Variants in ZNF423 observed in about 807,000 individuals in gnomAD.
ZNF423 encodes the protein zinc finger protein 423.
ZNF423 carries 12 observed loss-of-function variants against 95.8 expected under a neutral mutation model. The ratio of observed to expected loss-of-function variants is 0.13; its 90% CI spans 0.08 to 0.20. The LOEUF is 0.20. ZNF423 is among the 10% of genes least tolerant of loss of function. The probability of loss-of-function intolerance (pLI) is 1.00; values close to 1 mark genes in which losing one functional copy is unlikely to be tolerated. For missense variants in ZNF423, 1,316 were observed against 1,737.1 expected (o/e 0.76, Z 4.31); for synonymous variants, 749 against 711.9 (o/e 1.05, Z -0.83).
intron 5 of ZNF423, among the ~76,000 whole-genome samples, chr16:49,532,734 C>G (rs571138569): frequency 6.6e-6 from 1 of 152,322 alleles, no homozygotes; most frequent in African/African-American, 2.4e-5. Flanking sequence ...GTAACTGACC[C>G]TTATCTTTTT....
intron 5 of ZNF423, among the ~76,000 whole-genome samples, chr16:49,533,924 G>A (rs182484151): frequency 6.6e-5 from 10 of 152,272 alleles, no homozygotes; most frequent in Non-Finnish European, 8.8e-5. Context: ...TTGGGAGGCC[G>A]AAGCAGGAAG....
intron 5 of ZNF423, among the ~76,000 whole-genome samples, chr16:49,617,985 A>G (rs1315329256): frequency 1.3e-5 from 2 of 152,172 alleles, no homozygotes; most frequent in Non-Finnish European, 2.9e-5. Context: ...TGTTCTCACC[A>G]TCTATGCTGA....
chr16:49,849,647 A>AG (rs1288244172), intron 1 of ZNF423, among the ~76,000 whole-genome samples: 1 of 152,054 alleles, frequency 6.6e-6, no homozygotes, highest in Non-Finnish European at 1.5e-5. Context: ...CAGACTCTTG[A>AG]GGGGGGTGAG....
chr16:49,732,393 C>A (rs2033189877), intron 2 of ZNF423, among the ~76,000 whole-genome samples: 1 of 152,200 alleles, frequency 6.6e-6, no homozygotes, highest in Non-Finnish European at 1.5e-5. Context: ...AATGCAGAGA[C>A]CCTCGGATTG....
In ZNF423 at chr16:49,635,808, C is replaced by T. The variant is rs141996639; in HGVS notation, c.3368G>A (p.Arg1123Gln). Reference sequence around the variant, plus strand: ...GGGGCAACGGAGGCCGGCACAGGGCCGGTCGGCGGGCTCGGGCGGGGCCAG... The same window carrying T: ...GGGGCAACGGAGGCCGGCACAGGGCTGGTCGGCGGGCTCGGGCGGGGCCAG... The part of the protein sequence containing the change: ...GGLAPPEPAD[R>Q]PCAGLRCPEC... The change falls in exon 4 of 8, where the codon CGG becomes CAG. Residue 1123 changes from arginine to glutamine, a missense_variant. By Grantham distance (43) the Arg-to-Gln change is conservative. This residue lies in a region of ZNF423 where 620 missense variants were observed against 775.6 expected (regional missense o/e 0.80). Coordinates refer to ENST00000563137, the MANE Select transcript of ZNF423 (RefSeq NM_001379286.1). This position sits in a 1 kb window ranked among gnomAD's most constrained non-coding sequence, Gnocchi z 4.8. 48 of 1,610,718 alleles carry T rather than the reference C, an allele frequency of 3.0e-5. No individual in the cohort carries two copies. The highest frequency in any genetic ancestry group is 1.3e-4 in the Admixed American group (8 of 59,608).
At chr16:49,846,247 C>T (rs2035244290) in intron 1 of ZNF423, among the ~76,000 whole-genome samples, 2 of 148,372 alleles carry the variant, frequency 1.3e-5, no homozygotes, top group African/African-American at 5.0e-5. Context: ...CTGCAATGAG[C>T]CAAGATCGTG....
chr16:49,669,227 G>A (rs2030689149), intron 3 of ZNF423, among the ~76,000 whole-genome samples: 1 of 152,018 alleles, frequency 6.6e-6, no homozygotes. Context: ...TACTCGGGAG[G>A]CTGAGGTGGG....
chr16:49,724,153 T>C (rs939211417), intron 3 of ZNF423, among the ~76,000 whole-genome samples: 1 of 152,230 alleles, frequency 6.6e-6, no homozygotes, highest in Non-Finnish European at 1.5e-5. Flanking sequence ...TAAGGTCTCT[T>C]CTGTGTTCCC....
At chr16:49,750,043 G>A (rs149687897) in intron 2 of ZNF423, among the ~76,000 whole-genome samples, 2 of 152,190 alleles carry the variant, frequency 1.3e-5, no homozygotes, top group Non-Finnish European at 2.9e-5. Flanking sequence ...GAAGGCTGCC[G>A]TCAGCCCATA....
chr16:49,736,634 A>C (rs1005742542), intron 2 of ZNF423, among the ~76,000 whole-genome samples: 7 of 152,152 alleles, frequency 4.6e-5, no homozygotes, highest in African/African-American at 1.4e-4. Context: ...ATCTTTACAA[A>C]AATTTTAAAA....
In ZNF423 at chr16:49,537,363, T is replaced by C. The variant is rs1003956705; in HGVS notation, c.3602-11869A>G. Among the ~76,000 whole-genome samples, 8 of 152,238 alleles carry C rather than the reference T, an allele frequency of 5.3e-5. No individual in the cohort carries two copies. The East Asian group carries it at 1.5e-3, about 29-fold the overall frequency. ...TCGAGGAAATAAATGCTTGGATTTCTGATGCTGAGCTAAGTGGTCTGTGTG... is the reference window on the plus strand; with the variant it reads ...TCGAGGAAATAAATGCTTGGATTTCCGATGCTGAGCTAAGTGGTCTGTGTG... On this transcript the variant is annotated intron_variant, in intron 5 of 7. Coordinates refer to ENST00000563137, the MANE Select transcript of ZNF423 (RefSeq NM_001379286.1).
At chr16:49,787,370 G>T (rs2034332202) in intron 2 of ZNF423, among the ~76,000 whole-genome samples, 1 of 152,162 alleles carries the variant, frequency 6.6e-6, no homozygotes, top group African/African-American at 2.4e-5. Context: ...TCTGGCTGTG[G>T]ATTATCCACT....
At chr16:49,536,488 C>A (rs1341589221) in intron 5 of ZNF423, among the ~76,000 whole-genome samples, 1 of 148,380 alleles carries the variant, frequency 6.7e-6, no homozygotes, top group Non-Finnish European at 1.5e-5. Flanking sequence ...GTTTGCCCAG[C>A]CTGGAGTGCC....
chr16:49,570,972 G>A (rs749287565), intron 5 of ZNF423, among the ~76,000 whole-genome samples: 15 of 152,328 alleles, frequency 9.8e-5, no homozygotes, highest in Non-Finnish European at 2.1e-4. Context: ...GCCATGCATG[G>A]CCTCCTGAGC....
intron 5 of ZNF423, among the ~76,000 whole-genome samples, chr16:49,620,436 C>T (rs1972030966): frequency 6.6e-6 from 1 of 152,176 alleles, no homozygotes; most frequent in Non-Finnish European, 1.5e-5. Context: ...GTATTTGCCC[C>T]TGACAGCAGA....
intron 3 of ZNF423, among the ~76,000 whole-genome samples, chr16:49,639,645 A>G (rs1407242368): frequency 6.6e-6 from 1 of 152,178 alleles, no homozygotes; most frequent in Non-Finnish European, 1.5e-5. Context: ...GGATCAAGAC[A>G]GATGGAGAGA....
At chr16:49,554,126 AG>A (rs1191594216) in intron 5 of ZNF423, among the ~76,000 whole-genome samples, 1 of 152,184 alleles carries the variant, frequency 6.6e-6, no homozygotes, top group East Asian at 1.9e-4. Flanking sequence ...TCCATGCTGG[AG>A]AGCCCCAGAG....
chr16:49,652,549 T>C (rs564382244), intron 3 of ZNF423, among the ~76,000 whole-genome samples: 1 of 152,318 alleles, frequency 6.6e-6, no homozygotes, highest in South Asian at 2.1e-4. Context: ...GTGGACCTCC[T>C]GCGCACCCTG....
chr16:49,767,035 AAC>A (rs904453031), intron 2 of ZNF423, among the ~76,000 whole-genome samples: 16 of 151,698 alleles, frequency 1.1e-4, no homozygotes, highest in Non-Finnish European at 2.1e-4. Context: ...CAGTGGTGCA[AAC>A]ACAGCTCACT....
Sources: gnomAD v4.1 joint callset for allele counts (sites outside exome capture counted in the v4.1 genomes callset) on GRCh38, gnomAD v4.1.1 for gene constraint, gnomAD v4.1.1 regional missense constraint, Gnocchi (gnomAD v3.1) non-coding constraint, MANE v1.5 for transcripts, NCBI Gene and HGNC (gene_info 2026-07-23, HGNC 2026-07-21) for gene names.